NEK10: variants seen among roughly 807,000 people sequenced by gnomAD.
The protein encoded by NEK10 is serine/threonine-protein kinase Nek10.
In NEK10, 122 loss-of-function variants were observed where a neutral mutation model predicts 159.8. The ratio of observed to expected loss-of-function variants is 0.76; its 90% CI spans 0.66 to 0.89. The LOEUF (loss-of-function observed/expected upper bound fraction) is 0.89, where lower values mean the gene tolerates loss of function less well. Ranked by LOEUF, NEK10 falls within the 40% of genes least tolerant of loss-of-function variation. NEK10 has a pLI of 0.00. For missense variants in NEK10, 1,342 were observed against 1,323.1 expected (o/e 1.01, Z -0.22); for synonymous variants, 466 against 457.1 (o/e 1.02, Z -0.25).
At chr3:27,125,018 A>G (rs1941780928) in intron 32 of NEK10, among the ~76,000 whole-genome samples, 1 of 152,126 alleles carries the variant, frequency 6.6e-6, no homozygotes, top group Admixed American at 6.6e-5. Flanking sequence ...TGAGTTGACA[A>G]TAATAGGGCC....
chr3:27,126,235 C>T lies in NEK10; in HGVS notation c.3081+5645G>A, dbSNP rs570395948. ...TTGGCCTTGCTGATCTGCATTGAAA[C>T]AGAGATTAGGAACTAAACAGAAATG... On this transcript the variant is annotated intron_variant, in intron 32 of 35. Transcript: ENST00000691995. 7.9e-5 allele frequency among the ~76,000 whole-genome samples: 12 copies of T among 152,266 alleles called. No homozygotes were observed. In the East Asian group the frequency reaches 2.1e-3, roughly 27 times the overall value.
At chr3:27,133,183 G>A (rs992246237) in intron 31 of NEK10, among the ~76,000 whole-genome samples, 5 of 152,156 alleles carry the variant, frequency 3.3e-5, no homozygotes, top group African/African-American at 7.2e-5. Context: ...TGAGCAGCCC[G>A]AATGGAACTG....
rs1575748287 is a variant in NEK10, at chr3:27,324,061, C to T, written c.363-1800G>A. On this transcript the variant is annotated intron_variant, in intron 5 of 35. Transcript: ENST00000691995. ...CTCCACTGTCATGCCTCTATGAGCT[C>T]AGAAGGTGAGGTTAGCTTAGAAGTA... Among the ~76,000 whole-genome samples, 4 of 152,254 alleles carry T rather than the reference C, an allele frequency of 2.6e-5. No homozygotes were observed. In the South Asian group the frequency reaches 8.3e-4, roughly 32 times the overall value.
intron 6 of NEK10, among the ~76,000 whole-genome samples, chr3:27,320,933 G>T (rs758269624): frequency 6.6e-6 from 1 of 152,142 alleles, no homozygotes; most frequent in Non-Finnish European, 1.5e-5. Context: ...AAGTAGAGTT[G>T]CAGGATAACC....
chr3:27,239,295 A>T (rs1575405745), intron 23 of NEK10, among the ~76,000 whole-genome samples: 1 of 152,232 alleles, frequency 6.6e-6, no homozygotes, highest in East Asian at 1.9e-4. Context: ...GATGAGAAAT[A>T]TTCAAATGTA....
At chr3:27,272,968 A>G (rs1215663880) in intron 22 of NEK10, among the ~76,000 whole-genome samples, 16 of 152,182 alleles carry the variant, frequency 1.1e-4, no homozygotes, top group Admixed American at 1.0e-3. Context: ...ATATGGGGTT[A>G]AGAGAGGGTA....
At chr3:27,204,499 C>T (rs6551180) in intron 23 of NEK10, among the ~76,000 whole-genome samples, 18,770 of 117,960 alleles carry the variant, frequency 0.16, 2,967 homozygotes, top group African/African-American at 0.42. Context: ...GTGATATTCC[C>T]CTTCCTGTGT....
At chr3:27,352,232 A>T (rs528641120) in intron 3 of NEK10, among the ~76,000 whole-genome samples, 13 of 152,326 alleles carry the variant, frequency 8.5e-5, no homozygotes, top group Non-Finnish European at 1.5e-5. Flanking sequence ...AGTAGGACAC[A>T]GGGTGAGAAG....
intron 11 of NEK10, among the ~76,000 whole-genome samples, chr3:27,305,626 A>T (rs1056934907): frequency 9.0e-6 from 1 of 110,928 alleles, no homozygotes; most frequent in South Asian, 3.4e-4. Flanking sequence ...AAAAAAAAAA[A>T]AAAATAATAA....
chr3:27,198,625 C>T (rs1049246359), intron 25 of NEK10, among the ~76,000 whole-genome samples: 1 of 150,496 alleles, frequency 6.6e-6, no homozygotes, highest in African/African-American at 2.4e-5. Flanking sequence ...AAAATCTGAA[C>T]TGAACCCCAT....
chr3:27,325,450 G>A (rs1161992872), intron 5 of NEK10, among the ~76,000 whole-genome samples: 3 of 151,912 alleles, frequency 2.0e-5, no homozygotes, highest in Non-Finnish European at 2.9e-5. Context: ...TCATTGCCTG[G>A]CCTGTCCCAC....
At chr3:27,307,045 C>T (rs955000374) in intron 11 of NEK10, among the ~76,000 whole-genome samples, 4 of 152,228 alleles carry the variant, frequency 2.6e-5, no homozygotes, top group Admixed American at 6.5e-5. Flanking sequence ...ATCTGTCTAC[C>T]GTATCAGTTA....
chr3:27,228,763 G>A (rs1952909882), intron 23 of NEK10, among the ~76,000 whole-genome samples: 1 of 152,132 alleles, frequency 6.6e-6, no homozygotes, highest in Admixed American at 6.5e-5. Context: ...GAACATCAAC[G>A]TTCCTACAGA....
intron 26 of NEK10, among the ~76,000 whole-genome samples, chr3:27,188,504 C>A (rs113191730): frequency 6.2e-4 from 95 of 152,284 alleles, no homozygotes; most frequent in African/African-American, 2.1e-3. Flanking sequence ...AAGCAGTTCT[C>A]CAAACTGAAC....
chr3:27,257,510 A>G (rs6551184), intron 22 of NEK10, among the ~76,000 whole-genome samples: 96,765 of 152,018 alleles, frequency 0.64, 33,088 homozygotes, highest in African/African-American at 0.91. Context: ...TTCCAAAGTC[A>G]TTTCATTTCA....
At chr3:27,368,857 C>A (rs999955813) in intron 1 of NEK10, among the ~76,000 whole-genome samples, 2 of 152,080 alleles carry the variant, frequency 1.3e-5, no homozygotes, top group African/African-American at 4.8e-5. Context: ...AAGGAGAAGG[C>A]AGAAAAGCGA....
rs185533530 is a variant in NEK10, at chr3:27,130,178, T to A, written c.3081+1702A>T. 9.8e-5 allele frequency among the ~76,000 whole-genome samples: 15 copies of A among 152,318 alleles called. No homozygotes were observed. In the East Asian group the frequency reaches 2.9e-3, roughly 29 times the overall value. On this transcript the variant is annotated intron_variant, in intron 32 of 35. Coordinates refer to ENST00000691995, the MANE Select transcript of NEK10 (RefSeq NM_001394966.1). ...AGATGTCCCAAAGACCACCATGGGC[T>A]TGTAGTATCAGACAAGAGAACCATG...
intron 25 of NEK10, among the ~76,000 whole-genome samples, chr3:27,199,072 C>CA (rs35333904): frequency 0.037 from 2,890 of 77,490 alleles, 86 homozygotes; most frequent in African/African-American, 0.083. Flanking sequence ...GACTCCATCT[C>CA]AAAAAAAAAA....
At chr3:27,162,532 T>A in intron 30 of NEK10, 169 bp downstream of exon 30, 1 of 1,614,152 alleles carries the variant, frequency 6.2e-7, no homozygotes, top group Non-Finnish European at 8.5e-7. Flanking sequence ...TAACTCAGCC[T>A]CTATTTCCTT....
Sources: gnomAD v4.1 joint callset for allele counts (sites outside exome capture counted in the v4.1 genomes callset) on GRCh38, gnomAD v4.1.1 for gene constraint, MANE v1.5 for transcripts, NCBI Gene and HGNC (gene_info 2026-07-23, HGNC 2026-07-21) for gene names.